FOXO3: variants seen among roughly 807,000 people sequenced by gnomAD.
The protein encoded by FOXO3 is forkhead box O3.
In FOXO3, 4 loss-of-function variants were observed where a neutral mutation model predicts 41.9. The ratio of observed to expected loss-of-function variants is 0.10; its 90% confidence interval spans 0.05 to 0.22. FOXO3 has a LOEUF of 0.22. Among genes scored for constraint, FOXO3 ranks in the 10% least tolerant of loss-of-function variants. The probability of loss-of-function intolerance (pLI) is 1.00; values close to 1 mark genes in which losing one functional copy is unlikely to be tolerated. For synonymous variants in FOXO3, 318 were observed against 389.3 expected, an observed-to-expected ratio of 0.82 and a Z score of 2.16; for missense variants, 534 against 906.8, an observed-to-expected ratio of 0.59 and a Z score of 5.28.
intron 1 of FOXO3, among the ~76,000 whole-genome samples, chr6:108,563,940 CG>C (rs1373137089): frequency 8.6e-5 from 13 of 150,458 alleles, no homozygotes; most frequent in African/African-American, 2.2e-4. Flanking sequence ...TTTATGTCAT[CG>C]TTTTTTTGTC....
chr6:108,643,208 G>A (rs1224258262), intron 1 of FOXO3, among the ~76,000 whole-genome samples: 1 of 151,972 alleles, frequency 6.6e-6, no homozygotes, highest in Non-Finnish European at 1.5e-5. Flanking sequence ...GTTCATTCTT[G>A]TAATTTTCAT....
At chr6:108,669,658 A>G (rs190630624) in intron 2 of FOXO3, among the ~76,000 whole-genome samples, 27 of 152,260 alleles carry the variant, frequency 1.8e-4, no homozygotes, top group Non-Finnish European at 1.5e-4. Context: ...AGTGTCGATG[A>G]GCGCGAGAGA....
chr6:108,607,504 C>T (rs1241826878), intron 1 of FOXO3, among the ~76,000 whole-genome samples: 1 of 150,764 alleles, frequency 6.6e-6, no homozygotes, highest in Non-Finnish European at 1.5e-5. Context: ...AAACTTGCTT[C>T]ACTGATATTT....
At chr6:108,596,352 A>G (rs1244539659) in intron 1 of FOXO3, among the ~76,000 whole-genome samples, 1 of 148,536 alleles carries the variant, frequency 6.7e-6, no homozygotes, top group African/African-American at 2.5e-5. Flanking sequence ...ACTAAGTCCC[A>G]TCCATGGACT....
chr6:108,641,797 A>G (rs894437739), intron 1 of FOXO3, among the ~76,000 whole-genome samples: 2 of 151,694 alleles, frequency 1.3e-5, no homozygotes, highest in African/African-American at 2.4e-5. Context: ...CAAAAAAAAT[A>G]CAGAAAAAAA....
At chr6:108,632,611 C>G (rs1562251403) in intron 1 of FOXO3, among the ~76,000 whole-genome samples, 1 of 152,112 alleles carries the variant, frequency 6.6e-6, no homozygotes. Flanking sequence ...CATATTTAGA[C>G]AGTGAGACAT....
intron 1 of FOXO3, among the ~76,000 whole-genome samples, chr6:108,607,557 T>TTG (rs1455268213): frequency 2.0e-5 from 3 of 152,188 alleles, no homozygotes; most frequent in Non-Finnish European, 4.4e-5. Flanking sequence ...GAAAATGGAA[T>TTG]TGTAAAATGT....
chr6:108,569,594 A>G (rs1433712731), intron 1 of FOXO3, among the ~76,000 whole-genome samples: 1 of 152,164 alleles, frequency 6.6e-6, no homozygotes, highest in Non-Finnish European at 1.5e-5. Flanking sequence ...TAACATAATA[A>G]GCGAAGAGGA....
At chr6:108,627,249 G>A (rs187373095) in intron 1 of FOXO3, among the ~76,000 whole-genome samples, 1 of 152,180 alleles carries the variant, frequency 6.6e-6, no homozygotes, top group African/African-American at 2.4e-5. Context: ...GCACTGAGGT[G>A]GGAGAAGCTG....
At chr6:108,562,645 C>G (rs927346623) in intron 1 of FOXO3, among the ~76,000 whole-genome samples, 2 of 152,010 alleles carry the variant, frequency 1.3e-5, no homozygotes, top group Non-Finnish European at 2.9e-5. Flanking sequence ...TTCACTCTGG[C>G]GTTTGGGAGG....
intron 1 of FOXO3, among the ~76,000 whole-genome samples, chr6:108,628,761 G>C (rs2128375211): frequency 6.6e-6 from 1 of 152,210 alleles, no homozygotes; most frequent in Middle Eastern, 3.4e-3. Context: ...ACTCTACCCT[G>C]GGATAGTGTG....
intron 1 of FOXO3, among the ~76,000 whole-genome samples, chr6:108,574,152 CAAAAAAAAA>C (rs1200932714): frequency 1.4e-5 from 1 of 72,800 alleles, no homozygotes; most frequent in Admixed American, 1.4e-4. Context: ...GACTCTGTCT[CAAAAAAAAA>C]AAAAAAAAAA....
intron 1 of FOXO3, among the ~76,000 whole-genome samples, chr6:108,575,126 G>T (rs112430040): frequency 0.036 from 5,469 of 152,194 alleles, 136 homozygotes; most frequent in Middle Eastern, 0.095. Context: ...TTGAAAACTG[G>T]TTCTCTCTTT....
intron 1 of FOXO3, among the ~76,000 whole-genome samples, chr6:108,573,299 A>G (rs113455093): frequency 6.6e-5 from 10 of 151,984 alleles, no homozygotes; most frequent in East Asian, 5.8e-4. Context: ...AAATAAATAA[A>G]TAAGTAAGTA....
chr6:108,591,519 G>C (rs753894050), intron 1 of FOXO3, among the ~76,000 whole-genome samples: 1 of 152,174 alleles, frequency 6.6e-6, no homozygotes, highest in Non-Finnish European at 1.5e-5. Flanking sequence ...AAGCAGAAGG[G>C]TTGGAACCCA....
At chr6:108,615,911 C>T (rs142036079) in intron 1 of FOXO3, among the ~76,000 whole-genome samples, 2 of 152,018 alleles carry the variant, frequency 1.3e-5, no homozygotes, top group Non-Finnish European at 2.9e-5. Flanking sequence ...AGAAGTACCA[C>T]TGGGTTTATT....
chr6:108,667,737 C>T (rs1449765779), intron 2 of FOXO3, among the ~76,000 whole-genome samples: 4 of 152,098 alleles, frequency 2.6e-5, no homozygotes, highest in African/African-American at 9.7e-5. Context: ...TCATCTTCGC[C>T]TCAGAATATT....
upstream of FOXO3, chr6:108,559,878 G>T (rs1359223614): frequency 6.6e-6 from 1 of 152,416 alleles, no homozygotes; most frequent in African/African-American, 2.4e-5. Flanking sequence ...CGAGCTGACA[G>T]GCGGTTCCTC....
chr6:108,582,559 C>T (rs1034682496), intron 1 of FOXO3, among the ~76,000 whole-genome samples: 1 of 152,198 alleles, frequency 6.6e-6, no homozygotes, highest in East Asian at 1.9e-4. Flanking sequence ...TGCATTTATT[C>T]TGGTTACCTT....
Sources: allele counts gnomAD v4.1 joint callset (sites outside exome capture counted in the v4.1 genomes callset), GRCh38; gene constraint gnomAD v4.1.1; transcripts MANE v1.5; gene names NCBI Gene and HGNC (gene_info 2026-07-23, HGNC 2026-07-21).